Variants in BABAM2 observed in about 807,000 individuals in gnomAD.
BABAM2 encodes the protein BRISC and BRCA1 A complex member 2.
In BABAM2, 31 loss-of-function variants were observed where a neutral mutation model predicts 54.7. That is an observed-to-expected ratio of 0.57 (90% CI 0.43 to 0.77). BABAM2 has a LOEUF of 0.77. Among genes scored for constraint, BABAM2 ranks in the 30% least tolerant of loss-of-function variants. The pLI is 0.00. For synonymous variants in BABAM2, 167 were observed against 162.9 expected, an observed-to-expected ratio of 1.03 and a Z score of -0.19; for missense variants, 364 against 455.8, an observed-to-expected ratio of 0.80 and a Z score of 1.83.
intron 7 of BABAM2, among the ~76,000 whole-genome samples, chr2:28,133,144 A>G (rs898487920): frequency 1.3e-5 from 2 of 152,246 alleles, no homozygotes; most frequent in Non-Finnish European, 2.9e-5. Flanking sequence ...TATGACTTCT[A>G]TAAGGGCTTA....
chr2:27,899,523 G>A (rs1665614863), intron 2 of BABAM2, among the ~76,000 whole-genome samples: 1 of 151,712 alleles, frequency 6.6e-6, no homozygotes, highest in Non-Finnish European at 1.5e-5. Context: ...TGCCCAGGCT[G>A]GAGGGCAATG....
At chr2:28,305,397 G>A (rs1313725758) in intron 11 of BABAM2, among the ~76,000 whole-genome samples, 1 of 151,728 alleles carries the variant, frequency 6.6e-6, no homozygotes, top group Non-Finnish European at 1.5e-5. Context: ...AACCCTTCTC[G>A]GTCATGATTT....
chr2:28,180,972 A>G (rs1675563893), intron 7 of BABAM2, among the ~76,000 whole-genome samples: 1 of 152,192 alleles, frequency 6.6e-6, no homozygotes, highest in Non-Finnish European at 1.5e-5. Flanking sequence ...ATGTCTAGTG[A>G]AGATGCAGAG....
At chr2:27,922,521 G>A (rs1474375086) in intron 2 of BABAM2, among the ~76,000 whole-genome samples, 1 of 152,204 alleles carries the variant, frequency 6.6e-6, no homozygotes, top group Non-Finnish European at 1.5e-5. Flanking sequence ...ATTCCCGCTT[G>A]ATAATTCCCA....
chr2:28,321,396 A>G (rs950880499), intron 11 of BABAM2, among the ~76,000 whole-genome samples: 25 of 152,222 alleles, frequency 1.6e-4, no homozygotes, highest in Admixed American at 1.3e-4. Context: ...GAATGACACC[A>G]GGAGGTTCCA....
chr2:28,133,626 C>A (rs1670277915), intron 7 of BABAM2, among the ~76,000 whole-genome samples: 1 of 152,196 alleles, frequency 6.6e-6, no homozygotes, highest in Non-Finnish European at 1.5e-5. Context: ...CTGGGAGGAA[C>A]CCCATTCCAG....
chr2:28,312,403 G>A (rs1689163664), intron 11 of BABAM2, among the ~76,000 whole-genome samples: 1 of 152,092 alleles, frequency 6.6e-6, no homozygotes, highest in Non-Finnish European at 1.5e-5. Flanking sequence ...ACAAAGCACT[G>A]GAGACTACCA....
chr2:27,955,835 T>C (rs1670042799), intron 3 of BABAM2, among the ~76,000 whole-genome samples: 1 of 152,238 alleles, frequency 6.6e-6, no homozygotes, highest in African/African-American at 2.4e-5. Flanking sequence ...AAAGCACTTT[T>C]TTTGGACTAT....
At chr2:28,256,188 TTTG>T (rs1181955388) in intron 10 of BABAM2, among the ~76,000 whole-genome samples, 1 of 152,234 alleles carries the variant, frequency 6.6e-6, no homozygotes, top group African/African-American at 2.4e-5. Context: ...ACATAGCTTC[TTTG>T]TTAACACATT....
At chr2:28,026,857 TATATAG>T (rs1675777929) in intron 5 of BABAM2, among the ~76,000 whole-genome samples, 1 of 81,798 alleles carries the variant, frequency 1.2e-5, no homozygotes, top group Admixed American at 1.9e-4. Flanking sequence ...TATATTTATA[TATATAG>T]ATATATATAT....
At chr2:28,279,477 C>T (rs60392175) in intron 10 of BABAM2, among the ~76,000 whole-genome samples, 1 of 152,122 alleles carries the variant, frequency 6.6e-6, no homozygotes, top group Admixed American at 6.5e-5. Context: ...AGCAGCCTTT[C>T]GTGCAGCCTC....
intron 7 of BABAM2, among the ~76,000 whole-genome samples, chr2:28,188,237 A>G (rs891337516): frequency 2.6e-5 from 4 of 152,164 alleles, no homozygotes; most frequent in South Asian, 2.1e-4. Context: ...ACACATTGGC[A>G]TAAAGTCCCA....
At chr2:27,996,889 A>C (rs182197883) in intron 4 of BABAM2, among the ~76,000 whole-genome samples, 21 of 152,294 alleles carry the variant, frequency 1.4e-4, no homozygotes, top group Admixed American at 9.8e-4. Context: ...TCTATATTTT[A>C]TTTAGCTTTC....
intron 2 of BABAM2, among the ~76,000 whole-genome samples, chr2:27,897,690 C>T (rs1665446931): frequency 6.6e-6 from 1 of 151,952 alleles, no homozygotes; most frequent in African/African-American, 2.4e-5. Flanking sequence ...TTTAGTCAAG[C>T]AGCAGGCCTG....
chr2:28,205,508 A>G (rs1558434920), intron 7 of BABAM2, among the ~76,000 whole-genome samples: 1 of 152,128 alleles, frequency 6.6e-6, no homozygotes, highest in Non-Finnish European at 1.5e-5. Context: ...TCTCAAAAAT[A>G]AAAATAAAAT....
intron 6 of BABAM2, among the ~76,000 whole-genome samples, chr2:28,122,315 G>T (rs1460397864): frequency 6.6e-6 from 1 of 151,954 alleles, no homozygotes; most frequent in Non-Finnish European, 1.5e-5. Flanking sequence ...TTTTAAAATG[G>T]TGCTTACTTA....
chr2:28,277,982 A>G (rs572547022), intron 10 of BABAM2, among the ~76,000 whole-genome samples: 1 of 152,342 alleles, frequency 6.6e-6, no homozygotes, highest in Admixed American at 6.5e-5. Flanking sequence ...GCAATTAGAA[A>G]TCTGGTAGGT....
chr2:28,159,977 T>TTTTG (rs755553541), intron 7 of BABAM2, among the ~76,000 whole-genome samples: 15 of 152,164 alleles, frequency 9.9e-5, no homozygotes, highest in East Asian at 3.9e-4. Flanking sequence ...ATGATTGGGT[T>TTTTG]TTTGTTTGTT....
intron 4 of BABAM2, among the ~76,000 whole-genome samples, chr2:27,999,629 G>A (rs898509645): frequency 2.0e-5 from 3 of 152,270 alleles, no homozygotes; most frequent in East Asian, 1.9e-4. Flanking sequence ...TAACCAAGAC[G>A]TTGAAACTTT....
Sources: gnomAD v4.1 joint callset for allele counts (sites outside exome capture counted in the v4.1 genomes callset) on GRCh38, gnomAD v4.1.1 for gene constraint, MANE v1.5 for transcripts, NCBI Gene and HGNC (gene_info 2026-07-23, HGNC 2026-07-21) for gene names.